Variants in EYS observed in about 807,000 individuals in gnomAD.
The protein encoded by EYS is protein eyes shut homolog.
A neutral mutation model predicts 282.1 loss-of-function variants in EYS; 250 were observed. The observed-to-expected ratio is 0.89, with a 90% CI of 0.80 to 0.98. The LOEUF is 0.98. Ranked by LOEUF, EYS falls within the 50% of genes least tolerant of loss-of-function variation. EYS has a pLI of 0.00. For synonymous variants in EYS, 1,355 were observed against 1,282.9 expected (o/e 1.06, Z -1.20); for missense variants, 4,016 against 3,709.0 (o/e 1.08, Z -2.15).
At chr6:64,832,146 T>C (rs1334059091) in intron 19 of EYS, among the ~76,000 whole-genome samples, 2 of 151,954 alleles carry the variant, frequency 1.3e-5, no homozygotes, top group Non-Finnish European at 2.9e-5. Flanking sequence ...GTATTAACTC[T>C]GATTAACATG....
At chr6:64,699,190 G>A (rs2149922393) in intron 22 of EYS, among the ~76,000 whole-genome samples, 1 of 152,264 alleles carries the variant, frequency 6.6e-6, no homozygotes, top group Middle Eastern at 3.4e-3. Context: ...GGTGGAGCTG[G>A]AGGCTTATTA....
chr6:65,436,774 A>C (rs1768089268), intron 5 of EYS, among the ~76,000 whole-genome samples: 1 of 149,212 alleles, frequency 6.7e-6, no homozygotes, highest in African/African-American at 2.6e-5. Flanking sequence ...GTATGAAGAT[A>C]ATTATAAATC....
intron 35 of EYS, among the ~76,000 whole-genome samples, chr6:63,920,619 A>G (rs1764543273): frequency 6.6e-6 from 1 of 152,208 alleles, no homozygotes; most frequent in Admixed American, 6.5e-5. Flanking sequence ...AATTCAGGGA[A>G]GTCTGTTGAA....
At chr6:64,954,274 A>T (rs976171134) in intron 14 of EYS, among the ~76,000 whole-genome samples, 7 of 145,796 alleles carry the variant, frequency 4.8e-5, no homozygotes, top group South Asian at 2.2e-4. Context: ...ATGTCGGTTT[A>T]AAAAAAAAAA....
intron 28 of EYS, among the ~76,000 whole-genome samples, chr6:64,434,020 G>A (rs1774655440): frequency 6.6e-6 from 1 of 152,006 alleles, no homozygotes; most frequent in Non-Finnish European, 1.5e-5. Context: ...ATCAGTACCT[G>A]AGAATGTGAC....
chr6:65,685,207 C>G (rs1040790988), intron 1 of EYS, among the ~76,000 whole-genome samples: 1 of 151,990 alleles, frequency 6.6e-6, no homozygotes, highest in Middle Eastern at 3.2e-3. Flanking sequence ...AAACAGCAAG[C>G]CTGATATATG....
chr6:65,537,582 A>G (rs931216252), intron 2 of EYS, among the ~76,000 whole-genome samples: 1 of 152,134 alleles, frequency 6.6e-6, no homozygotes. Context: ...GAGGATAAAC[A>G]TTAAATTATG....
At chr6:64,917,050 A>T (rs1768188413) in intron 15 of EYS, among the ~76,000 whole-genome samples, 1 of 152,176 alleles carries the variant, frequency 6.6e-6, no homozygotes. Flanking sequence ...GGAAATCAAG[A>T]CCATCCTGGT....
chr6:64,649,974 C>T (rs1768499257), intron 22 of EYS, among the ~76,000 whole-genome samples: 1 of 151,654 alleles, frequency 6.6e-6, no homozygotes. Context: ...AATAATTCCC[C>T]CAAACCAGAA....
intron 8 of EYS, among the ~76,000 whole-genome samples, chr6:65,363,329 C>T (rs1764785917): frequency 6.6e-6 from 1 of 151,892 alleles, no homozygotes; most frequent in Admixed American, 6.6e-5. Flanking sequence ...ATTGCTAATG[C>T]AAACTTCTTA....
chr6:65,403,278 A>C (rs1766587337), intron 6 of EYS, among the ~76,000 whole-genome samples: 1 of 152,058 alleles, frequency 6.6e-6, no homozygotes, highest in Non-Finnish European at 1.5e-5. Context: ...GGCAGGTAAA[A>C]ATAAAATGAA....
intron 15 of EYS, among the ~76,000 whole-genome samples, chr6:64,930,576 T>C (rs1227550487): frequency 6.6e-6 from 1 of 152,044 alleles, no homozygotes; most frequent in Non-Finnish European, 1.5e-5. Context: ...TTTAACTTAT[T>C]AAATGTCAGA....
At chr6:64,595,639 C>T (rs778295035) in intron 24 of EYS, among the ~76,000 whole-genome samples, 12 of 152,152 alleles carry the variant, frequency 7.9e-5, no homozygotes, top group Non-Finnish European at 1.6e-4. Flanking sequence ...TTTCCATACA[C>T]CAATAATGAA....
chr6:63,789,830 T>A lies in EYS; in HGVS notation c.7412-606A>T, dbSNP rs117111903. Among the ~76,000 whole-genome samples the A allele has an allele frequency of 3.1e-4, 47 of 152,244 alleles. 1 individual carries two copies. The East Asian group carries it at 7.5e-3, about 24-fold the overall frequency. On this transcript the variant is annotated intron_variant, in intron 37 of 42. Coordinates refer to ENST00000503581, the MANE Select transcript of EYS (RefSeq NM_001142800.2). ...CAGTGAGTTCCAGGACCCAGAACAC[T>A]CAGGAGACAGTTCTTAAAGACCCAC...
At chr6:65,611,796 C>T (rs567314384) in intron 2 of EYS, among the ~76,000 whole-genome samples, 1 of 152,110 alleles carries the variant, frequency 6.6e-6, no homozygotes, top group Non-Finnish European at 1.5e-5. Flanking sequence ...CTACTTCTGG[C>T]TTAATTGGCC....
At chr6:64,818,448 T>G (rs1764804970) in intron 21 of EYS, among the ~76,000 whole-genome samples, 1 of 151,936 alleles carries the variant, frequency 6.6e-6, no homozygotes, top group South Asian at 2.1e-4. Context: ...TATTAAGGAG[T>G]ACTGACTCAC....
chr6:65,104,057 T>C (rs561089316), intron 12 of EYS, among the ~76,000 whole-genome samples: 6 of 151,568 alleles, frequency 4.0e-5, no homozygotes, highest in African/African-American at 9.6e-5. Context: ...TACCTAAGAA[T>C]TAACAACAAG....
chr6:64,019,422 A>T (rs9450605), intron 33 of EYS, among the ~76,000 whole-genome samples: 53,905 of 150,442 alleles, frequency 0.36, 9,852 homozygotes, highest in African/African-American at 0.42. Context: ...TTTCCTTTTT[A>T]TTTTTTTAAA....
chr6:65,027,399 T>G (rs189450441), intron 13 of EYS, among the ~76,000 whole-genome samples: 1 of 152,332 alleles, frequency 6.6e-6, no homozygotes, highest in Admixed American at 6.5e-5. Context: ...CTGCTTTCTG[T>G]TATTGGACCC....
Sources: gnomAD v4.1 joint callset for allele counts (sites outside exome capture counted in the v4.1 genomes callset) on GRCh38, gnomAD v4.1.1 for gene constraint, MANE v1.5 for transcripts, NCBI Gene and HGNC (gene_info 2026-07-23, HGNC 2026-07-21) for gene names.